Variants in NECTIN1 observed in about 807,000 individuals in gnomAD.
The protein encoded by NECTIN1 is nectin cell adhesion molecule 1.
A neutral mutation model predicts 48.0 loss-of-function variants in NECTIN1; 23 were observed. The ratio of observed to expected loss-of-function variants is 0.48; its 90% CI spans 0.34 to 0.68. The LOEUF (loss-of-function observed/expected upper bound fraction) is 0.68. NECTIN1 is among the 30% of genes least tolerant of loss of function. The pLI, the probability that NECTIN1 is intolerant of heterozygous loss-of-function variation, is 0.01. For synonymous variants in NECTIN1, 270 were observed against 288.9 expected (o/e 0.93, Z 0.66); for missense variants, 591 against 709.9 (o/e 0.83, Z 1.90).
At chr11:119,647,686 A>G (rs1041309591) in intron 5 of NECTIN1, among the ~76,000 whole-genome samples, 4 of 152,106 alleles carry the variant, frequency 2.6e-5, no homozygotes, top group Non-Finnish European at 4.4e-5. Flanking sequence ...CAAAAGCACA[A>G]AGTGTAGTGG....
At chr11:119,638,883 C>T (rs1173157529) in intron 6 of NECTIN1, 32 of 1,309,860 alleles carry the variant, frequency 2.4e-5, no homozygotes, top group Middle Eastern at 1.9e-4. Flanking sequence ...AGACAGCTAC[C>T]GGTCCCTGAG....
rs538525860 is a variant in NECTIN1 at position 119,648,610 on chromosome 11, T to C, written c.1004-8598A>G. Among the ~76,000 whole-genome samples, 8 of 151,664 alleles carry C rather than the reference T, an allele frequency of 5.3e-5. 1 individual carries two copies. The South Asian group carries it at 1.7e-3, about 32-fold the overall frequency. On this transcript the variant is annotated intron_variant, in intron 5 of 7. Coordinates refer to the NECTIN1 transcript ENST00000341398. ...CTGTAGAAACGAAACATCACTGGTT[T>C]GGGGTTATTGTGCCCTGAAGAGCTC...
intron 5 of NECTIN1, among the ~76,000 whole-genome samples, chr11:119,653,441 C>T (rs919817307): frequency 6.6e-6 from 1 of 152,200 alleles, no homozygotes; most frequent in Non-Finnish European, 1.5e-5. Context: ...GAGGGTGGCC[C>T]GGCGCGGGGA....
At position 119,665,163 on chromosome 11, in the gene NECTIN1, G is replaced by C. The variant is rs376335229; in HGVS notation, c.1138C>G (p.Arg380Gly). 1.2e-6 allele frequency: 2 copies of C among 1,612,344 alleles called. No homozygotes were observed. The highest frequency in any genetic ancestry group is 2.7e-5 in the African/African-American group (2 of 74,886). ...TCACCCTTGAAGGTGTGCCGGCGCC[G>C]ACGCAGGGCGACCACGATCCCGCCG... ...VVGGIVVALR[R>G]RRHTFKGDYS... The change falls in exon 6 of 6, where the codon CGG becomes GGG. Residue 380 changes from arginine (R) to glycine (G), a missense_variant. Transcript: ENST00000264025. This position sits in a 1 kb window ranked among gnomAD's most constrained non-coding sequence, Gnocchi z 5.1.
chr11:119,651,997 C>T (rs1157883857), intron 5 of NECTIN1, among the ~76,000 whole-genome samples: 2 of 152,252 alleles, frequency 1.3e-5, no homozygotes, highest in East Asian at 1.9e-4. Context: ...GGTTGCAGAG[C>T]CCAGCCCCCT....
In NECTIN1 at chr11:119,664,503, G is replaced by T; in HGVS notation, c.*244C>A. The T allele has an allele frequency of 7.2e-7, 1 of 1,386,980 alleles. No individual in the cohort carries two copies. Among genetic ancestry groups the T allele is most frequent in the East Asian group, 2.7e-5 (1 of 37,376 alleles). 85.9% of individuals were successfully genotyped at this position (1,386,980 alleles called of 1,614,324 possible). A position where few individuals can be genotyped will look rare whatever the true frequency, so the allele number is the denominator to read the frequency against. ...GTGGGGCCCGTAAAGGGAAGATACA[G>T]TAACACTAAAGCCACAGTCGAACAC... is the stretch of plus-strand genomic sequence containing the variant. On this transcript the variant is annotated 3_prime_UTR_variant, in exon 6 of 6. Coordinates refer to ENST00000264025, the MANE Select transcript of NECTIN1 (RefSeq NM_002855.5).
At chr11:119,651,125 C>T (rs1277355393) in intron 5 of NECTIN1, among the ~76,000 whole-genome samples, 2 of 152,094 alleles carry the variant, frequency 1.3e-5, no homozygotes, top group Non-Finnish European at 2.9e-5. Flanking sequence ...CCCATGAGCC[C>T]AGGCTTTGGA....
intron 1 of NECTIN1, among the ~76,000 whole-genome samples, chr11:119,723,453 C>T (rs570496601): frequency 1.2e-3 from 184 of 152,288 alleles, no homozygotes; most frequent in Non-Finnish European, 1.0e-3. Flanking sequence ...GCTCTGCTCT[C>T]TCCTGGGAGG....
intron 1 of NECTIN1, among the ~76,000 whole-genome samples, chr11:119,698,629 C>T (rs1319936834): frequency 2.6e-5 from 4 of 152,198 alleles, no homozygotes; most frequent in Non-Finnish European, 5.9e-5. Flanking sequence ...TGGGCTCTTC[C>T]ACTCATTGGC....
intron 1 of NECTIN1, among the ~76,000 whole-genome samples, chr11:119,679,723 A>G (rs554895999): frequency 6.6e-6 from 1 of 152,102 alleles, no homozygotes; most frequent in South Asian, 2.1e-4. Context: ...TTTGGGTCAT[A>G]TCAAGGAGCA....
At chr11:119,650,958 G>A (rs1864482054) in intron 5 of NECTIN1, among the ~76,000 whole-genome samples, 1 of 152,098 alleles carries the variant, frequency 6.6e-6, no homozygotes, top group Non-Finnish European at 1.5e-5. Flanking sequence ...TAGGCTCCTG[G>A]GACTCAATTT....
intron 5 of NECTIN1, among the ~76,000 whole-genome samples, chr11:119,669,522 T>G (rs1205788366): frequency 1.3e-5 from 2 of 152,240 alleles, no homozygotes; most frequent in Non-Finnish European, 2.9e-5. Flanking sequence ...TTGCAATAGC[T>G]GCCTAACTGC....
chr11:119,648,348 G>A (rs1565376693), intron 5 of NECTIN1, among the ~76,000 whole-genome samples: 1 of 103,600 alleles, frequency 9.7e-6, no homozygotes, highest in African/African-American at 4.0e-5. Context: ...TGGTGATGCT[G>A]GTGGTGGTGA....
chr11:119,650,395 A>C (rs549849792), intron 5 of NECTIN1, among the ~76,000 whole-genome samples: 1 of 152,322 alleles, frequency 6.6e-6, no homozygotes, highest in East Asian at 1.9e-4. Flanking sequence ...CATCTTTTCC[A>C]GGAAGTCTTT....
In NECTIN1 at chr11:119,664,966, G is replaced by GT; in HGVS notation, c.1334_1335insA (p.Gly446ArgfsTer16). On this transcript the variant is annotated frameshift_variant, in exon 6 of 6. Coordinates refer to ENST00000264025, the MANE Select transcript of NECTIN1 (RefSeq NM_002855.5). LOFTEE classifies it high-confidence loss of function. ...CCACCTTGCGCTCGCCCCCTCCACC[G>GT]CCCTCCTCCTCCTCCTCCTCCTCCT... 1 of 1,591,304 alleles carries GT rather than the reference G, an allele frequency of 6.3e-7. No homozygotes were observed. Among genetic ancestry groups the GT allele is most frequent in the Non-Finnish European group, 8.6e-7 (1 of 1,160,452 alleles).
At chr11:119,671,081 C>T (rs953893876) in intron 5 of NECTIN1, among the ~76,000 whole-genome samples, 46 of 151,822 alleles carry the variant, frequency 3.0e-4, no homozygotes, top group African/African-American at 8.7e-4. Context: ...CAAAGACTTT[C>T]GAGTGAGGAT....
At chr11:119,653,596 A>T (rs1460993602) in intron 5 of NECTIN1, among the ~76,000 whole-genome samples, 3 of 152,252 alleles carry the variant, frequency 2.0e-5, no homozygotes, top group Middle Eastern at 3.2e-3. Context: ...AGGAAGGCAC[A>T]GAGCTGGGAT....
intron 5 of NECTIN1, among the ~76,000 whole-genome samples, chr11:119,667,419 G>A (rs1405675670): frequency 6.6e-6 from 1 of 152,180 alleles, no homozygotes; most frequent in Non-Finnish European, 1.5e-5. Context: ...GAAACTCACA[G>A]CCTCCCCAGG....
chr11:119,663,488 C>T lies in NECTIN1; in HGVS notation c.*1259G>A, dbSNP rs1864704796. ...AGCAGGAGGTGGCCTAGCGGCCCCA[C>T]CCCCCTCACTTTCTGCCAGGCCCGA... On this transcript the variant is annotated 3_prime_UTR_variant, in exon 6 of 6. Coordinates refer to ENST00000264025, the MANE Select transcript of NECTIN1 (RefSeq NM_002855.5). The T allele has an allele frequency of 5.1e-6, 5 of 985,436 alleles. No individual in the cohort carries two copies. In the South Asian group the frequency reaches 1.9e-4, roughly 37 times the overall value. 61.0% of individuals were successfully genotyped at this position (985,436 alleles called of 1,614,324 possible). A position where few individuals can be genotyped will look rare whatever the true frequency, so the allele number is the denominator to read the frequency against.
Sources: allele counts gnomAD v4.1 joint callset (sites outside exome capture counted in the v4.1 genomes callset), GRCh38; gene constraint gnomAD v4.1.1; non-coding constraint Gnocchi (gnomAD v3.1); transcripts MANE v1.5; gene names NCBI Gene and HGNC (gene_info 2026-07-23, HGNC 2026-07-21).